The following GTF2IRD2 variants were observed in gnomAD, a reference collection of about 807,000 sequenced individuals.
The protein encoded by GTF2IRD2 is GTF2I repeat domain containing 2, also known as general transcription factor II-I repeat domain-containing protein 2A.
GTF2IRD2 carries 8 observed loss-of-function variants against 49.2 expected under a neutral mutation model. The observed-to-expected ratio is 0.16, with a 90% CI of 0.10 to 0.29. The LOEUF is 0.29. GTF2IRD2 is among the 10% of genes least tolerant of loss of function. The pLI is 1.00. For missense variants in GTF2IRD2, 130 were observed against 725.7 expected, an observed-to-expected ratio of 0.18 and a Z score of 9.43; for synonymous variants, 47 against 289.7, an observed-to-expected ratio of 0.16 and a Z score of 8.51.
intron 1 of GTF2IRD2, among the ~76,000 whole-genome samples, chr7:74,842,897 T>C (rs1430438300): frequency 3.0e-5 from 4 of 134,820 alleles, no homozygotes; most frequent in Admixed American, 7.5e-5. Flanking sequence ...AGTATATGAA[T>C]TGTATCTCAA....
At chr7:74,845,589 CTGA>C (rs1224369444) in intron 1 of GTF2IRD2, among the ~76,000 whole-genome samples, 1 of 151,482 alleles carries the variant, frequency 6.6e-6, no homozygotes, top group Non-Finnish European at 1.5e-5. Context: ...CCGCGCTGGG[CTGA>C]GTGTCTCATA....
chr7:74,799,830 A>G (rs2529328), intron 15 of GTF2IRD2, among the ~76,000 whole-genome samples: 480 of 131,504 alleles, frequency 3.7e-3, no homozygotes, highest in Non-Finnish European at 5.9e-3. Flanking sequence ...CATGCCTATA[A>G]TCCCAGCACT....
At chr7:74,826,699 CTTTTTTTTTTTTTTTT>C (rs1175596623) in intron 3 of GTF2IRD2, among the ~76,000 whole-genome samples, 2 of 16,584 alleles carry the variant, frequency 1.2e-4, no homozygotes, top group African/African-American at 6.7e-4. Context: ...TCATTTCATT[CTTTTTTTTTTTTTTTT>C]TTTTTTTTTT....
chr7:74,824,190 C>T (rs587611200), intron 4 of GTF2IRD2, among the ~76,000 whole-genome samples: 1 of 135,446 alleles, frequency 7.4e-6, no homozygotes, highest in Admixed American at 7.5e-5. Flanking sequence ...AACTGGTGGC[C>T]AGGCACGGCG....
chr7:74,810,716 G>A lies in GTF2IRD2; in HGVS notation c.805+180C>T, dbSNP rs1265040424. On this transcript the variant is annotated intron_variant, in intron 10 of 15. Transcript: ENST00000451013. ...CTCAGGAGGCTGAGGCACATGAATC[G>A]CTTGAACCCAGGAGGCAGAGGTTGT... Among the ~76,000 whole-genome samples the A allele has an allele frequency of 3.3e-3, 212 of 64,586 alleles. 68 individuals are homozygous for A. The highest frequency in any genetic ancestry group is 0.01 in the Admixed American group (44 of 4,238). 42.4% of individuals were successfully genotyped at this position (64,586 alleles called of 152,430 possible). A position where few individuals can be genotyped will look rare whatever the true frequency, so the allele number is the denominator to read the frequency against.
Position 74,851,337 on chromosome 7 carries a change from C to CG in GTF2IRD2, c.-6+29dup, listed in dbSNP as rs1224269998. On this transcript the variant is annotated intron_variant, in intron 1 of 15. Coordinates refer to ENST00000451013, the MANE Select transcript of GTF2IRD2 (RefSeq NM_173537.5). ...CCGAAAGGCAACCCGCCCTTAATGGCGGCGTCGGCGGCGGGGGCGGGGTAC... is the reference window on the plus strand; with the variant it reads ...CCGAAAGGCAACCCGCCCTTAATGGCGGGCGTCGGCGGCGGGGGCGGGGTAC... The CG allele has an allele frequency of 4.2e-5, 2 of 47,520 alleles. 1 individual carries two copies. Among genetic ancestry groups the CG allele is most frequent in the Non-Finnish European group, 7.3e-5 (2 of 27,464 alleles). 2.9% of individuals were successfully genotyped at this position (47,520 alleles called of 1,614,324 possible). A position where few individuals can be genotyped will look rare whatever the true frequency, so the allele number is the denominator to read the frequency against.
chr7:74,826,020 C>G (rs1460370103), intron 3 of GTF2IRD2, among the ~76,000 whole-genome samples: 1 of 151,608 alleles, frequency 6.6e-6, no homozygotes, highest in East Asian at 1.9e-4. Flanking sequence ...CTCCTGACCT[C>G]GTGATCCGCC....
At chr7:74,809,820 G>A (rs1344763928) in intron 10 of GTF2IRD2, among the ~76,000 whole-genome samples, 8 of 130,314 alleles carry the variant, frequency 6.1e-5, no homozygotes, top group Non-Finnish European at 1.2e-4. Flanking sequence ...TATTGAGACA[G>A]TCTCACTCTG....
chr7:74,811,193 A>AC (rs1450626945), intron 9 of GTF2IRD2, among the ~76,000 whole-genome samples: 120 of 149,096 alleles, frequency 8.0e-4, no homozygotes, highest in African/African-American at 2.7e-3. Context: ...ACATGGTGAG[A>AC]CCCCTTCTCT....
chr7:74,831,504 T>TACACACACACACACACACAC (rs4029807), intron 3 of GTF2IRD2, among the ~76,000 whole-genome samples: 3 of 119,456 alleles, frequency 2.5e-5, no homozygotes, highest in Admixed American at 8.7e-5. Context: ...TCTCTGTACA[T>TACACACACACACACACACAC]ACACACACAC....
In GTF2IRD2 at chr7:74,822,756, A is replaced by G. The variant is rs1408279872; in HGVS notation, c.410T>C (p.Leu137Pro). The G allele has an allele frequency of 3.9e-6, 6 of 1,525,282 alleles. 1 individual carries two copies. The highest frequency in any genetic ancestry group is 4.9e-4 in the Middle Eastern group (2 of 4,060). 94.5% of individuals were successfully genotyped at this position (1,525,282 alleles called of 1,614,324 possible). A position where few individuals can be genotyped will look rare whatever the true frequency, so the allele number is the denominator to read the frequency against. The change falls in exon 5 of 16, where the codon CTG (leucine) becomes CCG (proline). Residue 137 changes from leucine to proline, a missense_variant. Transcript: ENST00000451013. ...VMVPVPYEKM[L>P]RDQSAVVVQG... is the part of the protein sequence containing the mutation. ...CACTACCACAGCCGACTGGTCTCGC[A>G]GCATCTTCTCATAGGGAACAGGCAC...
intron 3 of GTF2IRD2, among the ~76,000 whole-genome samples, chr7:74,825,903 C>T (rs1209731815): frequency 1.3e-5 from 2 of 151,684 alleles, no homozygotes; most frequent in Non-Finnish European, 1.5e-5. Flanking sequence ...CGGGTTCACG[C>T]CATTCTCCTG....
At chr7:74,844,949 C>T (rs1801139185) in intron 1 of GTF2IRD2, among the ~76,000 whole-genome samples, 1 of 104,694 alleles carries the variant, frequency 9.6e-6, no homozygotes, top group African/African-American at 3.1e-5. Flanking sequence ...ACCTTGGCCT[C>T]CCAAAGTGTT....
At chr7:74,839,105 A>G (rs1800554443) in intron 1 of GTF2IRD2, among the ~76,000 whole-genome samples, 1 of 27,506 alleles carries the variant, frequency 3.6e-5, no homozygotes. Context: ...TTGTATTTTT[A>G]GTAGAGACGG....
chr7:74,829,892 A>AAACAAACAAAC (rs1436434412), intron 3 of GTF2IRD2, among the ~76,000 whole-genome samples: 717 of 22,410 alleles, frequency 0.032, 29 homozygotes, highest in East Asian at 0.092. Context: ...TGTCTCAAAA[A>AAACAAACAAAC]AAAAAAAAAA....
intron 15 of GTF2IRD2, among the ~76,000 whole-genome samples, chr7:74,799,921 CAAAAAAA>C (rs1160840166): frequency 7.2e-5 from 1 of 13,954 alleles, no homozygotes; most frequent in African/African-American, 5.0e-4. Flanking sequence ...CCTGTCTCTA[CAAAAAAA>C]AAAAAAAAAA....
At chr7:74,818,601 A>C (rs1171642097) in intron 8 of GTF2IRD2, among the ~76,000 whole-genome samples, 1 of 139,574 alleles carries the variant, frequency 7.2e-6, no homozygotes, top group Admixed American at 7.2e-5. Flanking sequence ...CTAGGATCAC[A>C]GGCATGCACC....
At chr7:74,798,997 CTT>C in intron 15 of GTF2IRD2, 1 of 149,862 alleles carries the variant, frequency 6.7e-6, no homozygotes, top group African/African-American at 2.5e-5. Flanking sequence ...TCTTTCTTTT[CTT>C]TTTTTCTTTT....
At chr7:74,825,811 T>G (rs1161289630) in intron 3 of GTF2IRD2, among the ~76,000 whole-genome samples, 1 of 150,726 alleles carries the variant, frequency 6.6e-6, no homozygotes, top group Non-Finnish European at 1.5e-5. Flanking sequence ...TCTTTTTTTT[T>G]TTTTTTTGAG....
Sources: allele counts gnomAD v4.1 joint callset (sites outside exome capture counted in the v4.1 genomes callset), GRCh38; gene constraint gnomAD v4.1.1; transcripts MANE v1.5; gene names NCBI Gene and HGNC (gene_info 2026-07-23, HGNC 2026-07-21).